Variants in NT5C1B observed in about 807,000 individuals in gnomAD.
NT5C1B encodes 5'-nucleotidase, cytosolic IB.
NT5C1B carries 44 observed loss-of-function variants against 57.8 expected under a neutral mutation model. That is an observed-to-expected ratio of 0.76 (90% confidence interval 0.60 to 0.98). The LOEUF (loss-of-function observed/expected upper bound fraction) is 0.98. Ranked by LOEUF, NT5C1B falls within the 50% of genes least tolerant of loss-of-function variation. The pLI is 0.00. For missense variants in NT5C1B, 742 were observed against 719.5 expected, an observed-to-expected ratio of 1.03 and a Z score of -0.36; for synonymous variants, 284 against 282.6, an observed-to-expected ratio of 1.00 and a Z score of -0.05.
At position 18,584,515 on chromosome 2, in the gene NT5C1B, G is replaced by T; in HGVS notation, c.722C>A (p.Pro241Gln). ...GCCAGGGGCGGCGGGCTGGCTCACCGGCCAGGGGCGCGAGCAGCTCGGGTT... is the reference window on the plus strand; with the variant it reads ...GCCAGGGGCGGCGGGCTGGCTCACCTGCCAGGGGCGCGAGCAGCTCGGGTT... Residue 241 changes from proline (P) to glutamine (Q), a missense_variant and splice_region_variant, in exon 4 of 9, where the codon CCG (proline) becomes CAG (glutamine). Physicochemically the swap from Pro to Gln is moderately conservative, Grantham distance 76. Coordinates refer to ENST00000304081, the Ensembl canonical transcript of NT5C1B. The surrounding 1 kb of genome is among the most constrained non-coding windows in gnomAD (Gnocchi z 5.8). The T allele has an allele frequency of 6.2e-7, 1 of 1,608,308 alleles. No homozygotes were observed. Among genetic ancestry groups the T allele is most frequent in the South Asian group, 1.1e-5 (1 of 90,356 alleles).
rs150255859 is a variant in NT5C1B, at chr2:18,566,092, T to A, written c.1330-1973A>T. Among the ~76,000 whole-genome samples, 6 of 152,336 alleles carry A rather than the reference T, an allele frequency of 3.9e-5. No individual in the cohort carries two copies. The East Asian group carries it at 1.2e-3, about 29-fold the overall frequency. ...TGGCAAATGTTCAGTCATAATTATC[T>A]GTATTATGTCAACTTTTTCTTGTAA... On this transcript the variant is annotated intron_variant, in intron 8 of 8. Transcript: ENST00000304081.
chr2:18,583,787 C>T (rs1666396375), intron 5 of NT5C1B: 1 of 566,472 alleles, frequency 1.8e-6, no homozygotes, highest in Non-Finnish European at 3.4e-6. Flanking sequence ...GGATCATAAA[C>T]TCATTATGGC....
intron 1 of NT5C1B, 90 bp from the exon 2 acceptor site, chr2:18,587,682 A>G: frequency 1.4e-6 from 2 of 1,427,258 alleles, no homozygotes; most frequent in Non-Finnish European, 1.9e-6. Context: ...AAGAAAACAC[A>G]AAATTTATTT....
intron 8 of NT5C1B, among the ~76,000 whole-genome samples, chr2:18,566,813 A>G (rs1399735932): frequency 2.0e-5 from 3 of 152,226 alleles, no homozygotes; most frequent in Non-Finnish European, 4.4e-5. Flanking sequence ...TAATAACAAG[A>G]AAACTCCAAT....
At position 18,579,676 on chromosome 2, in the gene NT5C1B, C is replaced by T. The variant is rs79621721; in HGVS notation, c.1022-2781G>A. Among the ~76,000 whole-genome samples the T allele has an allele frequency of 7.7e-3, 1,170 of 152,072 alleles. 9 individuals carry two copies. Among genetic ancestry groups the T allele is most frequent in the Middle Eastern group, 0.027 (8 of 292 alleles). ...AAAGACTTAAACATAAAACTCAAAG[C>T]CCAAGCCCTAGAGGAAAACCTAGGA... On this transcript the variant is annotated intron_variant, in intron 6 of 8. Coordinates refer to ENST00000304081, the Ensembl canonical transcript of NT5C1B.
intron 2 of NT5C1B, chr2:18,586,811 G>T: frequency 9.4e-7 from 1 of 1,068,608 alleles, no homozygotes; most frequent in Non-Finnish European, 1.3e-6. Context: ...CACTGAGGTT[G>T]CAGGGGGACT....
chr2:18,575,097 G>C (rs1045223103), intron 8 of NT5C1B, among the ~76,000 whole-genome samples: 1 of 152,054 alleles, frequency 6.6e-6, no homozygotes, highest in African/African-American at 2.4e-5. Flanking sequence ...TTGTCTGGAA[G>C]TAATGCTTTC....
Position 18,567,641 on chromosome 2 carries a change from T to A in NT5C1B, c.1330-3522A>T, listed in dbSNP as rs541995138. 2.0e-5 allele frequency among the ~76,000 whole-genome samples: 3 copies of A among 152,288 alleles called. No homozygotes were observed. In the East Asian group the frequency reaches 5.8e-4, roughly 29 times the overall value. On this transcript the variant is annotated intron_variant, in intron 8 of 8. Transcript: ENST00000304081. ...TCCTGTGGTGCCATGAAGATAACCATAGCAACCACAAAACCTAAAACAACT... is the reference window on the plus strand; with the variant it reads ...TCCTGTGGTGCCATGAAGATAACCAAAGCAACCACAAAACCTAAAACAACT...
At chr2:18,568,933 G>A (rs191450136) in intron 8 of NT5C1B, among the ~76,000 whole-genome samples, 14 of 152,300 alleles carry the variant, frequency 9.2e-5, no homozygotes, top group South Asian at 2.1e-4. Context: ...GGCACATGTC[G>A]TCAGATCCTC....
chr2:18,586,171 G>T, intron 3 of NT5C1B, 83 bp downstream of exon 3: 1 of 1,553,484 alleles, frequency 6.4e-7, no homozygotes, highest in Non-Finnish European at 8.7e-7. Context: ...CATAAACAGG[G>T]CCTGGCACGT....
chr2:18,569,721 A>C (rs1386403922), intron 8 of NT5C1B, among the ~76,000 whole-genome samples: 1 of 152,118 alleles, frequency 6.6e-6, no homozygotes, highest in African/African-American at 2.4e-5. Context: ...AAAACTGATA[A>C]AATTGAAAGG....
At chr2:18,570,895 C>T (rs901513547) in intron 8 of NT5C1B, among the ~76,000 whole-genome samples, 3 of 152,158 alleles carry the variant, frequency 2.0e-5, no homozygotes, top group African/African-American at 7.2e-5. Context: ...TTTACAAATC[C>T]ATTAATGTAA....
intron 8 of NT5C1B, among the ~76,000 whole-genome samples, chr2:18,575,934 G>A (rs1346140257): frequency 6.6e-6 from 1 of 152,030 alleles, no homozygotes; most frequent in Non-Finnish European, 1.5e-5. Flanking sequence ...TCTTATCATG[G>A]GAAGATCATG....
chr2:18,583,913 A>C, intron 5 of NT5C1B, 175 bp downstream of exon 5: 1 of 1,089,634 alleles, frequency 9.2e-7, no homozygotes, highest in Non-Finnish European at 1.4e-6. Flanking sequence ...CCCTTCCTCC[A>C]CAGTCTGGAA....
chr2:18,577,165 T>A (rs979661093), intron 6 of NT5C1B, among the ~76,000 whole-genome samples: 2 of 152,130 alleles, frequency 1.3e-5, no homozygotes, highest in Non-Finnish European at 2.9e-5. Context: ...GATCATGCCA[T>A]TTTATTCTCA....
exon 6 of NT5C1B, chr2:18,582,984 A>T: frequency 6.2e-7 from 1 of 1,613,654 alleles, no homozygotes; most frequent in Non-Finnish European, 8.5e-7. Context: ...TCTAGCATTG[A>T]CATACTGTAG....
At chr2:18,569,680 C>A (rs141475719) in intron 8 of NT5C1B, among the ~76,000 whole-genome samples, 2 of 151,698 alleles carry the variant, frequency 1.3e-5, no homozygotes, top group Non-Finnish European at 2.9e-5. Context: ...TATGTAGGCA[C>A]CTAAAAACAG....
chr2:18,575,419 A>G (rs1461421649), intron 8 of NT5C1B, among the ~76,000 whole-genome samples: 1 of 152,138 alleles, frequency 6.6e-6, no homozygotes, highest in East Asian at 1.9e-4. Flanking sequence ...ATTTATATAA[A>G]AATAACAATA....
chr2:18,576,092 C>G, intron 8 of NT5C1B, 92 bp downstream of exon 8: 1 of 1,346,408 alleles, frequency 7.4e-7, no homozygotes. Context: ...CCTAGAATAA[C>G]TTAAACATTC....
Sources: allele counts gnomAD v4.1 joint callset (sites outside exome capture counted in the v4.1 genomes callset), GRCh38; gene constraint gnomAD v4.1.1; non-coding constraint Gnocchi (gnomAD v3.1); transcripts MANE v1.5; gene names NCBI Gene and HGNC (gene_info 2026-07-23, HGNC 2026-07-21).